The following TENM3 variants were observed in gnomAD, a reference collection of about 807,000 sequenced individuals.
TENM3 encodes teneurin-3.
In TENM3, 63 loss-of-function variants were observed where a neutral mutation model predicts 255.1. That is an observed-to-expected ratio of 0.25 (90% confidence interval 0.20 to 0.30). The LOEUF (loss-of-function observed/expected upper bound fraction) is 0.30, where lower values mean the gene tolerates loss of function less well. TENM3 is among the 10% of genes least tolerant of loss of function. TENM3 has a pLI of 1.00. For missense variants in TENM3, 2,929 were observed against 3,461.1 expected, an observed-to-expected ratio of 0.85 and a Z score of 3.86; for synonymous variants, 1,306 against 1,322.3, an observed-to-expected ratio of 0.99 and a Z score of 0.27.
chr4:182,487,612 A>G (rs1274164391), intron 3 of TENM3, among the ~76,000 whole-genome samples: 1 of 152,014 alleles, frequency 6.6e-6, no homozygotes, highest in Non-Finnish European at 1.5e-5. Flanking sequence ...TACTTAGGCT[A>G]CTCTGGCCAG....
In TENM3 at chr4:182,750,568, A is replaced by G. The variant is rs112489883; in HGVS notation, c.3630-1232A>G. 3.7e-3 allele frequency among the ~76,000 whole-genome samples: 562 copies of G among 152,322 alleles called. 7 individuals are homozygous for G. The highest frequency in any genetic ancestry group is 0.013 in the African/African-American group (546 of 41,570). On this transcript the variant is annotated intron_variant, in intron 19 of 27. Coordinates refer to ENST00000511685, the MANE Select transcript of TENM3 (RefSeq NM_001080477.4). Reference sequence around the variant, plus strand: ...AAGTAGTGAAAATTGTTTTATTAGAACCTAACCTCATTGGTAATGAGGAGA... The same window carrying G: ...AAGTAGTGAAAATTGTTTTATTAGAGCCTAACCTCATTGGTAATGAGGAGA...
At chr4:181,910,977 C>A in the TENM3 span, among the ~76,000 whole-genome samples, 1 of 152,104 alleles carries the variant, frequency 6.6e-6, no homozygotes, top group African/African-American at 2.4e-5. Flanking sequence ...CATCCTTTAA[C>A]TTTACATCTT....
intron 3 of TENM3, among the ~76,000 whole-genome samples, chr4:182,579,005 C>A (rs1405371266): frequency 1.3e-5 from 2 of 152,154 alleles, no homozygotes; most frequent in African/African-American, 4.8e-5. Flanking sequence ...TATTTTGCAC[C>A]TGCCTGAGAT....
intron 3 of TENM3, among the ~76,000 whole-genome samples, chr4:182,575,384 A>T (rs1003775429): frequency 2.0e-5 from 3 of 152,196 alleles, no homozygotes; most frequent in Non-Finnish European, 4.4e-5. Context: ...AAGAGCCATG[A>T]GGTGGAAACT....
At chr4:182,791,864 A>G (rs1005039906) in intron 25 of TENM3, among the ~76,000 whole-genome samples, 2 of 152,028 alleles carry the variant, frequency 1.3e-5, no homozygotes, top group African/African-American at 4.8e-5. Context: ...TGAGGGGGGG[A>G]AAGCCACCTT....
chr4:182,018,709 T>C, the TENM3 span, among the ~76,000 whole-genome samples: 1 of 152,234 alleles, frequency 6.6e-6, no homozygotes, highest in Admixed American at 6.5e-5. Context: ...GTTTGCTGTT[T>C]CCTATTGCAT....
chr4:181,888,536 G>GCA, the TENM3 span, among the ~76,000 whole-genome samples: 7 of 69,798 alleles, frequency 1.0e-4, no homozygotes, highest in South Asian at 2.9e-3. Flanking sequence ...ACATATATGT[G>GCA]TATATATATA....
chr4:181,888,516 GTATATATATACATATA>G, the TENM3 span, among the ~76,000 whole-genome samples: 7 of 41,518 alleles, frequency 1.7e-4, no homozygotes, highest in Admixed American at 2.4e-3. Context: ...ATATATATAT[GTATATATATACATATA>G]TGTGTATATA....
At chr4:182,238,646 A>C (rs1227367480), upstream of TENM3, among the ~76,000 whole-genome samples, 2 of 152,168 alleles carry the variant, frequency 1.3e-5, no homozygotes, top group East Asian at 3.9e-4. Context: ...GTATTGGGTG[A>C]ATAAATAAGT....
intron 3 of TENM3, among the ~76,000 whole-genome samples, chr4:182,518,331 T>C (rs1054451982): frequency 2.0e-5 from 3 of 152,088 alleles, no homozygotes; most frequent in African/African-American, 7.2e-5. Flanking sequence ...TCTGTGAATA[T>C]GATGGAATAT....
At chr4:182,335,398 G>A (rs1019311083) in intron 2 of TENM3, among the ~76,000 whole-genome samples, 1 of 142,322 alleles carries the variant, frequency 7.0e-6, no homozygotes, top group Non-Finnish European at 1.5e-5. Flanking sequence ...GGGAGGCTGA[G>A]GCAGGAGAAT....
At chr4:182,157,326 A>T (rs1366111610) in intron 1 of TENM3, among the ~76,000 whole-genome samples, 2 of 152,220 alleles carry the variant, frequency 1.3e-5, no homozygotes, top group African/African-American at 4.8e-5. Context: ...GAAGAACAAA[A>T]GCTGACCATT....
the TENM3 span, among the ~76,000 whole-genome samples, chr4:181,572,241 A>T: frequency 2.6e-5 from 4 of 152,242 alleles, no homozygotes; most frequent in Non-Finnish European, 5.9e-5. Context: ...ATGGGCTGAG[A>T]ATCTCATGAG....
chr4:182,184,232 T>C (rs765871919), intron 1 of TENM3, among the ~76,000 whole-genome samples: 2 of 152,208 alleles, frequency 1.3e-5, no homozygotes, highest in Non-Finnish European at 2.9e-5. Context: ...ATCTCTAGGT[T>C]TCTAAGACTG....
intron 3 of TENM3, among the ~76,000 whole-genome samples, chr4:182,366,262 T>A (rs1332038638): frequency 6.6e-6 from 1 of 151,972 alleles, no homozygotes; most frequent in African/African-American, 2.4e-5. Flanking sequence ...TAAAATATAA[T>A]CAAATCAATA....
intron 3 of TENM3, among the ~76,000 whole-genome samples, chr4:182,403,096 C>T (rs1430225650): frequency 6.6e-6 from 1 of 152,084 alleles, no homozygotes; most frequent in African/African-American, 2.4e-5. Context: ...CCATGTAATC[C>T]GACCATTTCC....
the TENM3 span, among the ~76,000 whole-genome samples, chr4:181,890,811 A>G: frequency 6.6e-6 from 1 of 152,142 alleles, no homozygotes; most frequent in African/African-American, 2.4e-5. Flanking sequence ...CTGCACTTTT[A>G]CTGAAATATT....
intron 3 of TENM3, among the ~76,000 whole-genome samples, chr4:182,419,725 A>T (rs893438967): frequency 6.6e-6 from 1 of 152,154 alleles, no homozygotes; most frequent in Non-Finnish European, 1.5e-5. Context: ...TTGTAAGGAC[A>T]TGGATGAAGC....
the TENM3 span, among the ~76,000 whole-genome samples, chr4:181,718,071 ATAAAAGAAC>A: frequency 0.23 from 35,437 of 151,930 alleles, 4,310 homozygotes; most frequent in South Asian, 0.31. Context: ...TTTTTCCTTA[ATAAAAGAAC>A]TAAAAGGAAA....
Sources: gnomAD v4.1 joint callset for allele counts (sites outside exome capture counted in the v4.1 genomes callset) on GRCh38, gnomAD v4.1.1 for gene constraint, MANE v1.5 for transcripts, NCBI Gene and HGNC (gene_info 2026-07-23, HGNC 2026-07-21) for gene names.